The following ELAVL2 variants were observed in gnomAD, a reference collection of about 807,000 sequenced individuals.
ELAVL2 encodes the protein ELAV-like protein 2.
ELAVL2 carries 4 observed loss-of-function variants against 34.6 expected under a neutral mutation model. The ratio of observed to expected loss-of-function variants is 0.12; its 90% CI spans 0.06 to 0.26. ELAVL2 has a LOEUF of 0.26. ELAVL2 is among the 10% of genes least tolerant of loss of function. The pLI, the probability that ELAVL2 is intolerant of heterozygous loss-of-function variation, is 1.00. For missense variants in ELAVL2, 432 were observed against 442.8 expected (o/e 0.98, Z 0.22); for synonymous variants, 193 against 154.8 (o/e 1.25, Z -1.83).
In ELAVL2 at chr9:23,814,287, A is replaced by T. The variant is rs181418751; in HGVS notation, c.-16+11519T>A. On this transcript the variant is annotated intron_variant, in intron 1 of 6. Coordinates refer to ENST00000397312, the MANE Select transcript of ELAVL2 (RefSeq NM_004432.5). ...GTAAGTAAAATGTAACAAAGTGCAT[A>T]AGAGCCAATGCAAAAGCCCAAGCAG... Among the ~76,000 whole-genome samples, 4 of 152,280 alleles carry T rather than the reference A, an allele frequency of 2.6e-5. No homozygotes were observed. In the East Asian group the frequency reaches 7.7e-4, roughly 29 times the overall value.
At chr9:23,697,962 G>C (rs1467206385) in intron 5 of ELAVL2, among the ~76,000 whole-genome samples, 2 of 151,544 alleles carry the variant, frequency 1.3e-5, no homozygotes, top group Non-Finnish European at 2.9e-5. Context: ...TATTCAATTA[G>C]ATGGTATCAT....
chr9:23,736,753 C>A (rs928837656), intron 2 of ELAVL2, among the ~76,000 whole-genome samples: 1 of 152,146 alleles, frequency 6.6e-6, no homozygotes, highest in African/African-American at 2.4e-5. Context: ...TGCTTAGACT[C>A]CCATTAATTC....
chr9:23,771,237 T>A (rs2057252184), intron 1 of ELAVL2, among the ~76,000 whole-genome samples: 1 of 152,188 alleles, frequency 6.6e-6, no homozygotes, highest in Non-Finnish European at 1.5e-5. Flanking sequence ...ATTAAGGTGC[T>A]ACATTTTAAT....
At chr9:23,757,603 A>C (rs955122997) in intron 2 of ELAVL2, among the ~76,000 whole-genome samples, 1 of 151,006 alleles carries the variant, frequency 6.6e-6, no homozygotes, top group African/African-American at 2.4e-5. Flanking sequence ...GGTGTCAAGG[A>C]CTCCCAAGTG....
intron 1 of ELAVL2, among the ~76,000 whole-genome samples, chr9:23,769,098 T>G (rs922481256): frequency 1.3e-5 from 2 of 152,246 alleles, no homozygotes; most frequent in Admixed American, 6.5e-5. Flanking sequence ...ATCAGCCCAG[T>G]ACAAAGGCCT....
chr9:23,798,652 G>C (rs551011032), intron 1 of ELAVL2, among the ~76,000 whole-genome samples: 1 of 152,158 alleles, frequency 6.6e-6, no homozygotes, highest in Non-Finnish European at 1.5e-5. Context: ...TTCTGCCTTT[G>C]TAGGGGGTGT....
At chr9:23,778,877 C>T (rs1588420047) in intron 1 of ELAVL2, among the ~76,000 whole-genome samples, 1 of 152,196 alleles carries the variant, frequency 6.6e-6, no homozygotes, top group East Asian at 1.9e-4. Flanking sequence ...CTCATTTTGG[C>T]CTGTTTATAC....
In ELAVL2 at chr9:23,815,041, T is replaced by C. The variant is rs1419409983; in HGVS notation, c.-16+10765A>G. 2.0e-5 allele frequency among the ~76,000 whole-genome samples: 3 copies of C among 152,174 alleles called. No individual in the cohort carries two copies. In the East Asian group the frequency reaches 5.8e-4, roughly 29 times the overall value. On this transcript the variant is annotated intron_variant, in intron 1 of 6. Coordinates refer to ENST00000397312, the MANE Select transcript of ELAVL2 (RefSeq NM_004432.5). Reference sequence around the variant, plus strand: ...TTGACAGGGCATCCATCAATGATGTTCACACCATCAGCAATGAGGGGAAAA... The same window carrying C: ...TTGACAGGGCATCCATCAATGATGTCCACACCATCAGCAATGAGGGGAAAA...
At chr9:23,847,853 T>C in the ELAVL2 span, among the ~76,000 whole-genome samples, 1 of 152,072 alleles carries the variant, frequency 6.6e-6, no homozygotes. Context: ...TAGAAGATAA[T>C]TTTCAATTAC....
At chr9:23,831,971 T>C in the ELAVL2 span, among the ~76,000 whole-genome samples, 1 of 152,074 alleles carries the variant, frequency 6.6e-6, no homozygotes, top group African/African-American at 2.4e-5. Context: ...AAAAGTACAG[T>C]ATGGAGTTGT....
the ELAVL2 span, among the ~76,000 whole-genome samples, chr9:23,846,175 T>A: frequency 6.6e-6 from 1 of 151,886 alleles, no homozygotes; most frequent in Non-Finnish European, 1.5e-5. Context: ...CTATCATCTT[T>A]AATACTTCAA....
chr9:23,738,604 C>G (rs1032966408), intron 2 of ELAVL2, among the ~76,000 whole-genome samples: 2 of 152,092 alleles, frequency 1.3e-5, no homozygotes, highest in Admixed American at 6.5e-5. Flanking sequence ...ATGGCTCACT[C>G]GAAGACTCAT....
At chr9:23,735,775 T>C (rs1270088923) in intron 2 of ELAVL2, among the ~76,000 whole-genome samples, 2 of 152,190 alleles carry the variant, frequency 1.3e-5, no homozygotes, top group African/African-American at 4.8e-5. Context: ...AGAACAGTTA[T>C]AAACAGGCTG....
At chr9:23,729,542 C>T (rs539690869) in intron 3 of ELAVL2, among the ~76,000 whole-genome samples, 2 of 152,190 alleles carry the variant, frequency 1.3e-5, no homozygotes, top group African/African-American at 4.8e-5. Context: ...AACTTCAAAA[C>T]AAACTTGTCT....
intron 1 of ELAVL2, among the ~76,000 whole-genome samples, chr9:23,791,539 T>G (rs2060321007): frequency 6.6e-6 from 1 of 152,212 alleles, no homozygotes; most frequent in African/African-American, 2.4e-5. Flanking sequence ...TTTTTCACTC[T>G]ATTTCCTTAA....
intron 5 of ELAVL2, among the ~76,000 whole-genome samples, chr9:23,700,900 C>T (rs2133120804): frequency 6.6e-6 from 1 of 151,880 alleles, no homozygotes; most frequent in South Asian, 2.1e-4. Context: ...AAAAGGAAAT[C>T]TGAAGCCCTG....
chr9:23,788,546 G>A (rs1290317764), intron 1 of ELAVL2, among the ~76,000 whole-genome samples: 1 of 152,142 alleles, frequency 6.6e-6, no homozygotes. Flanking sequence ...AAGAACTGCT[G>A]TAACAGTACA....
rs549053762 is a variant in ELAVL2, at chr9:23,751,678, C to T, written c.229+10328G>A. Among the ~76,000 whole-genome samples the T allele has an allele frequency of 1.5e-3, 232 of 152,110 alleles. 1 individual carries two copies. The highest frequency in any genetic ancestry group is 5.4e-3 in the African/African-American group (223 of 41,508). On this transcript the variant is annotated intron_variant, in intron 2 of 6. Coordinates refer to ENST00000397312, the MANE Select transcript of ELAVL2 (RefSeq NM_004432.5). The stretch of plus-strand genomic sequence containing the variant: ...GATGTCAATAAAAGTAAAAATAAGC[C>T]GCAGTTGGTTTTTATCTAACCAACA...
chr9:23,762,914 G>A (rs80313673), intron 1 of ELAVL2, among the ~76,000 whole-genome samples: 1 of 152,180 alleles, frequency 6.6e-6, no homozygotes, highest in East Asian at 1.9e-4. Context: ...TTGGGAATGA[G>A]CTATGAATAC....
Sources: allele counts gnomAD v4.1 joint callset (sites outside exome capture counted in the v4.1 genomes callset), GRCh38; gene constraint gnomAD v4.1.1; transcripts MANE v1.5; gene names NCBI Gene and HGNC (gene_info 2026-07-23, HGNC 2026-07-21).